AHI1: variants seen among roughly 807,000 people sequenced by gnomAD.
AHI1 encodes the protein jouberin.
AHI1 carries 123 observed loss-of-function variants against 149.3 expected under a neutral mutation model. The ratio of observed to expected loss-of-function variants is 0.82; its 90% CI spans 0.71 to 0.96. The LOEUF is 0.96. Ranked by LOEUF, AHI1 falls within the 40% of genes least tolerant of loss-of-function variation. The pLI is 0.00. For missense variants in AHI1, 1,439 were observed against 1,422.7 expected, an observed-to-expected ratio of 1.01 and a Z score of -0.18; for synonymous variants, 475 against 459.8, an observed-to-expected ratio of 1.03 and a Z score of -0.42.
intron 24 of AHI1, among the ~76,000 whole-genome samples, chr6:135,333,004 A>C (rs967876914): frequency 1.3e-5 from 2 of 152,188 alleles, no homozygotes; most frequent in Non-Finnish European, 2.9e-5. Flanking sequence ...TGGCTATCAG[A>C]AATGCGAATT....
intron 5 of AHI1, among the ~76,000 whole-genome samples, chr6:135,472,833 CTGTT>C (rs1445773242): frequency 1.3e-5 from 2 of 152,048 alleles, no homozygotes; most frequent in African/African-American, 2.4e-5. Flanking sequence ...TTTAATTAGG[CTGTT>C]TGTTTTCATA....
At chr6:135,432,507 C>T (rs1485757175) in intron 16 of AHI1, among the ~76,000 whole-genome samples, 5 of 152,168 alleles carry the variant, frequency 3.3e-5, no homozygotes, top group East Asian at 1.9e-4. Flanking sequence ...TGCATGCCAC[C>T]ACACCCGGCT....
chr6:135,435,343 T>C (rs1008155821), intron 15 of AHI1: 1 of 152,188 alleles, frequency 6.6e-6, no homozygotes, highest in African/African-American at 2.4e-5. Context: ...AAACCCAAGA[T>C]AGCTTCAAGA....
chr6:135,496,455 A>C (rs1795980212), intron 2 of AHI1, among the ~76,000 whole-genome samples: 1 of 152,218 alleles, frequency 6.6e-6, no homozygotes. Context: ...CAAACATGAT[A>C]GAATTAACGG....
chr6:135,486,575 A>G (rs1794508947), intron 5 of AHI1, among the ~76,000 whole-genome samples: 1 of 152,094 alleles, frequency 6.6e-6, no homozygotes, highest in African/African-American at 2.4e-5. Context: ...ATTAATTTCA[A>G]TGTGTTCATA....
intron 14 of AHI1, among the ~76,000 whole-genome samples, chr6:135,441,604 T>C (rs1345431430): frequency 6.6e-6 from 1 of 152,008 alleles, no homozygotes; most frequent in Non-Finnish European, 1.5e-5. Flanking sequence ...AGCAAGTTTA[T>C]TTAAGCATAA....
intron 24 of AHI1, among the ~76,000 whole-genome samples, chr6:135,330,095 G>C (rs541567783): frequency 6.6e-6 from 1 of 152,330 alleles, no homozygotes; most frequent in African/African-American, 2.4e-5. Context: ...TGTGACTCTT[G>C]CTGAAATAAC....
At position 135,302,819 on chromosome 6, in the gene AHI1, T is replaced by A. The variant is rs1178179004; in HGVS notation, c.3427-2261A>T. 3.1e-6 allele frequency: 4 copies of A among 1,288,776 alleles called. No individual in the cohort carries two copies. In the Admixed American group the frequency reaches 9.2e-5, roughly 30 times the overall value. 79.8% of individuals were successfully genotyped at this position (1,288,776 alleles called of 1,614,324 possible). On this transcript the variant is annotated intron_variant, in intron 26 of 28. Transcript: ENST00000265602. ...GTGAGCTGTTTTGTTTTATTTTACCTTTAAACGAAAAAGCCCCCAAGGCTG... is the reference window on the plus strand; with the variant it reads ...GTGAGCTGTTTTGTTTTATTTTACCATTAAACGAAAAAGCCCCCAAGGCTG...
At chr6:135,457,808 C>T (rs1330821954) in intron 8 of AHI1, 95 bp from the exon 9 acceptor site, 2 of 1,217,542 alleles carry the variant, frequency 1.6e-6, no homozygotes, top group Admixed American at 3.7e-5. Flanking sequence ...GATGATCTCA[C>T]TGTGTTCAAA....
intron 13 of AHI1, 62 bp from the exon 14 acceptor site, chr6:135,442,776 T>A (rs532939474): frequency 7.0e-7 from 1 of 1,438,526 alleles, no homozygotes; most frequent in African/African-American, 1.4e-5. Flanking sequence ...GGCTAGTTTT[T>A]AATTTCAATT....
intron 5 of AHI1, among the ~76,000 whole-genome samples, chr6:135,483,792 C>T (rs1157653799): frequency 6.6e-6 from 1 of 152,140 alleles, no homozygotes; most frequent in African/African-American, 2.4e-5. Flanking sequence ...CAATCATCAC[C>T]CGCCATTTTC....
At chr6:135,364,485 G>A (rs1260859951) in intron 23 of AHI1, among the ~76,000 whole-genome samples, 20 of 150,372 alleles carry the variant, frequency 1.3e-4, no homozygotes, top group African/African-American at 4.2e-4. Flanking sequence ...CTTCCCAGAC[G>A]GGGTGGCGGC....
At chr6:135,384,470 C>T (rs999728702) in intron 23 of AHI1, among the ~76,000 whole-genome samples, 1 of 152,144 alleles carries the variant, frequency 6.6e-6, no homozygotes, top group African/African-American at 2.4e-5. Flanking sequence ...GATCTAAATA[C>T]AAATGCCTCT....
chr6:135,463,860 T>G (rs1048820717), intron 7 of AHI1, among the ~76,000 whole-genome samples: 2 of 152,080 alleles, frequency 1.3e-5, no homozygotes, highest in African/African-American at 2.4e-5. Context: ...CCAGCAATCC[T>G]CCCACTTCTG....
intron 24 of AHI1, among the ~76,000 whole-genome samples, chr6:135,334,886 A>G (rs1194039705): frequency 5.3e-5 from 8 of 152,228 alleles, no homozygotes; most frequent in African/African-American, 1.9e-4. Flanking sequence ...CTTGGGCCCT[A>G]TTCCAAATCA....
At chr6:135,339,730 A>C (rs1790001611) in intron 24 of AHI1, among the ~76,000 whole-genome samples, 1 of 152,246 alleles carries the variant, frequency 6.6e-6, no homozygotes. Flanking sequence ...CAGGACTCCC[A>C]GAAGAAGAGT....
In AHI1 at chr6:135,358,202, C is replaced by T. The variant is rs755282785; in HGVS notation, c.3110-15G>A. The stretch of plus-strand genomic sequence containing the variant: ...GCTGATAATCCCTGTGGAAAGAAAA[C>T]ATTGTGAGTATTTGGTTATTAAGCC... On this transcript the variant is annotated splice_polypyrimidine_tract_variant and intron_variant, in intron 23 of 28. Transcript: ENST00000265602. The T allele has an allele frequency of 8.1e-6, 13 of 1,607,934 alleles. No individual in the cohort carries two copies. The highest frequency in any genetic ancestry group is 2.7e-5 in the African/African-American group (2 of 73,482).
At chr6:135,367,514 A>T (rs896857177) in intron 23 of AHI1, among the ~76,000 whole-genome samples, 2 of 151,972 alleles carry the variant, frequency 1.3e-5, no homozygotes, top group African/African-American at 4.8e-5. Flanking sequence ...TTGGTCATTT[A>T]ACATAATACC....
At chr6:135,289,065 A>G (rs1163194862) in intron 28 of AHI1, among the ~76,000 whole-genome samples, 2 of 151,786 alleles carry the variant, frequency 1.3e-5, no homozygotes, top group Admixed American at 6.6e-5. Flanking sequence ...AACATTTTTC[A>G]TATGTCTGTT....
Sources: gnomAD v4.1 joint callset for allele counts (sites outside exome capture counted in the v4.1 genomes callset) on GRCh38, gnomAD v4.1.1 for gene constraint, MANE v1.5 for transcripts, NCBI Gene and HGNC (gene_info 2026-07-23, HGNC 2026-07-21) for gene names.